SSBP2: variants seen among roughly 807,000 people sequenced by gnomAD.
SSBP2 encodes the protein single-stranded DNA-binding protein 2.
A neutral mutation model predicts 61.8 loss-of-function variants in SSBP2; 17 were observed. That is an observed-to-expected ratio of 0.28 (90% CI 0.19 to 0.41). SSBP2 has a LOEUF of 0.41. Ranked by LOEUF, SSBP2 falls within the 10% of genes least tolerant of loss-of-function variation. SSBP2 has a pLI of 1.00. For synonymous variants in SSBP2, 139 were observed against 141.3 expected (o/e 0.98, Z 0.12); for missense variants, 310 against 458.7 (o/e 0.68, Z 2.96).
chr5:81,733,091 T>C (rs1756373587), intron 1 of SSBP2, among the ~76,000 whole-genome samples: 1 of 152,184 alleles, frequency 6.6e-6, no homozygotes, highest in South Asian at 2.1e-4. Context: ...TCAATAAACT[T>C]GTTTGTTAAA....
chr5:81,537,003 C>CA (rs34205177), intron 4 of SSBP2, among the ~76,000 whole-genome samples: 82 of 145,558 alleles, frequency 5.6e-4, no homozygotes, highest in East Asian at 2.8e-3. Context: ...GACTCTGTCT[C>CA]AAAAAAAAAA....
intron 1 of SSBP2, among the ~76,000 whole-genome samples, chr5:81,720,062 G>A (rs1186745045): frequency 6.6e-6 from 1 of 152,088 alleles, no homozygotes; most frequent in African/African-American, 2.4e-5. Flanking sequence ...CTGCCCGCAA[G>A]CCAGCAAGGC....
At chr5:81,736,543 AT>A (rs1298111912) in intron 1 of SSBP2, among the ~76,000 whole-genome samples, 1 of 152,218 alleles carries the variant, frequency 6.6e-6, no homozygotes, top group Non-Finnish European at 1.5e-5. Context: ...CTCATTAAAT[AT>A]CAAAATTTGT....
chr5:81,447,936 G>A (rs1763508075), intron 11 of SSBP2: 1 of 152,102 alleles, frequency 6.6e-6, no homozygotes, highest in South Asian at 2.1e-4. Flanking sequence ...AAGTTCACAG[G>A]TCCAAAGCAG....
chr5:81,595,000 A>T (rs1486495717), intron 4 of SSBP2, among the ~76,000 whole-genome samples: 1 of 152,234 alleles, frequency 6.6e-6, no homozygotes, highest in Non-Finnish European at 1.5e-5. Flanking sequence ...ATCAGAGCAG[A>T]ACTGAAGGAA....
At chr5:81,678,396 A>G (rs1013400938) in intron 1 of SSBP2, among the ~76,000 whole-genome samples, 1 of 152,280 alleles carries the variant, frequency 6.6e-6, no homozygotes, top group East Asian at 1.9e-4. Context: ...AAAATAAATA[A>G]AAAGAACAGA....
intron 4 of SSBP2, among the ~76,000 whole-genome samples, chr5:81,571,919 T>G (rs1773869583): frequency 6.6e-6 from 1 of 152,130 alleles, no homozygotes; most frequent in Non-Finnish European, 1.5e-5. Context: ...ATCCAACTAA[T>G]TCAAAATAAA....
Position 81,554,979 on chromosome 5 carries a change from C to CGGCA in SSBP2, c.283-41263_283-41262insTGCC, listed in dbSNP as rs368766287. ...TTTATAGTGAGCATCTGGGTAGTGC[C>CGGCA]ACCGTGCAGATGTTGCAGTAGAATA... is the stretch of plus-strand genomic sequence containing the variant. On this transcript the variant is annotated intron_variant, in intron 4 of 16. Transcript: ENST00000320672. 8.2e-4 allele frequency among the ~76,000 whole-genome samples: 125 copies of CGGCA among 152,182 alleles called. 1 individual carries two copies. The highest frequency in any genetic ancestry group is 2.9e-3 in the African/African-American group (120 of 41,552).
chr5:81,648,239 C>T (rs964002757), intron 2 of SSBP2, among the ~76,000 whole-genome samples: 2 of 152,008 alleles, frequency 1.3e-5, no homozygotes, highest in African/African-American at 2.4e-5. Context: ...TCAGTGAATG[C>T]GACTTAGAAA....
At chr5:81,488,295 A>G (rs1264591667) in intron 6 of SSBP2, among the ~76,000 whole-genome samples, 1 of 151,706 alleles carries the variant, frequency 6.6e-6, no homozygotes, top group African/African-American at 2.4e-5. Context: ...AAGAATCTCC[A>G]TACTGTTTTC....
At chr5:81,496,733 C>T (rs75216580) in intron 5 of SSBP2, among the ~76,000 whole-genome samples, 2,794 of 151,908 alleles carry the variant, frequency 0.018, 71 homozygotes, top group African/African-American at 0.055. Context: ...ACATCCTCCT[C>T]ATTTTATGTA....
At chr5:81,544,197 T>C (rs1041180190) in intron 4 of SSBP2, among the ~76,000 whole-genome samples, 1 of 152,170 alleles carries the variant, frequency 6.6e-6, no homozygotes, top group South Asian at 2.1e-4. Flanking sequence ...CTACAGGCGA[T>C]GCCACCACGC....
chr5:81,648,844 A>ATTTTTTTTTTCTTTTT (rs1356461326), intron 2 of SSBP2, among the ~76,000 whole-genome samples: 28 of 152,208 alleles, frequency 1.8e-4, no homozygotes, highest in African/African-American at 6.7e-4. Context: ...AGAAAAGGTA[A>ATTTTTTTTTTCTTTTT]AATTAATTTT....
rs537796088 is a variant in SSBP2, at chr5:81,480,286, G to A, written c.433-5724C>T. Among the ~76,000 whole-genome samples the A allele has an allele frequency of 7.2e-5, 11 of 152,226 alleles. 1 individual carries two copies. The South Asian group carries it at 2.1e-3, about 29-fold the overall frequency. ...CAGGCACACCTCAGAGATATTGCTG[G>A]TTTAGCTCAAGACCATGCAATAAAA... On this transcript the variant is annotated intron_variant, in intron 6 of 16. Coordinates refer to ENST00000320672, the MANE Select transcript of SSBP2 (RefSeq NM_012446.5).
intron 1 of SSBP2, among the ~76,000 whole-genome samples, chr5:81,711,701 A>AT (rs1023799194): frequency 2.0e-5 from 3 of 151,738 alleles, no homozygotes; most frequent in South Asian, 2.1e-4. Context: ...GATAAAAAAA[A>AT]AAATAAAACC....
At chr5:81,555,663 G>T (rs1246868102) in intron 4 of SSBP2, among the ~76,000 whole-genome samples, 4 of 151,692 alleles carry the variant, frequency 2.6e-5, no homozygotes, top group African/African-American at 9.7e-5. Flanking sequence ...ACAAAAATCA[G>T]AAAACACATA....
chr5:81,670,420 T>A (rs1419565602), intron 1 of SSBP2, among the ~76,000 whole-genome samples: 2 of 152,154 alleles, frequency 1.3e-5, no homozygotes, highest in East Asian at 1.9e-4. Context: ...AAGAAAAAAA[T>A]TTCTAAACTT....
chr5:81,660,165 A>C (rs1289308764), intron 1 of SSBP2, among the ~76,000 whole-genome samples: 1 of 152,220 alleles, frequency 6.6e-6, no homozygotes, highest in African/African-American at 2.4e-5. Context: ...CAAAATAGAC[A>C]AATGGGATCT....
At chr5:81,566,187 G>A (rs1773408032) in intron 4 of SSBP2, among the ~76,000 whole-genome samples, 1 of 152,192 alleles carries the variant, frequency 6.6e-6, no homozygotes. Flanking sequence ...ATGAATAGCA[G>A]TCTAAACAAC....
Sources: allele counts gnomAD v4.1 joint callset (sites outside exome capture counted in the v4.1 genomes callset), GRCh38; gene constraint gnomAD v4.1.1; transcripts MANE v1.5; gene names NCBI Gene and HGNC (gene_info 2026-07-23, HGNC 2026-07-21).